NCALD: variants seen among roughly 807,000 people sequenced by gnomAD.
NCALD encodes the protein neurocalcin delta, also known as neurocalcin-delta.
Under a neutral mutation model 18.6 loss-of-function variants are expected in NCALD, and 10 were observed. That is an observed-to-expected ratio of 0.54 (90% CI 0.33 to 0.91). NCALD has a LOEUF of 0.91. Ranked by LOEUF, NCALD falls within the 40% of genes least tolerant of loss-of-function variation. The pLI is 0.03. For synonymous variants in NCALD, 88 were observed against 87.4 expected (o/e 1.01, Z -0.04); for missense variants, 184 against 247.6 (o/e 0.74, Z 1.72).
chr8:102,079,295 C>T (rs1048087228), intron 1 of NCALD, among the ~76,000 whole-genome samples: 1 of 152,204 alleles, frequency 6.6e-6, no homozygotes, highest in Non-Finnish European at 1.5e-5. Flanking sequence ...TGTTTCTTTT[C>T]TAACCCCAAA....
intron 2 of NCALD, among the ~76,000 whole-genome samples, chr8:101,947,803 AG>A (rs1374384236): frequency 2.6e-5 from 4 of 152,264 alleles, no homozygotes; most frequent in Non-Finnish European, 5.9e-5. Context: ...TAATGCCTGA[AG>A]GATGACAAGG....
At chr8:102,061,869 G>C (rs1250909311) in intron 1 of NCALD, among the ~76,000 whole-genome samples, 1 of 152,116 alleles carries the variant, frequency 6.6e-6, no homozygotes, top group Non-Finnish European at 1.5e-5. Context: ...TTTGTATAAA[G>C]CAAAATCAAC....
intron 2 of NCALD, among the ~76,000 whole-genome samples, chr8:101,916,867 C>T (rs896964615): frequency 6.6e-6 from 1 of 152,026 alleles, no homozygotes; most frequent in African/African-American, 2.4e-5. Context: ...ACAAGTACTT[C>T]TAGACCTACA....
rs1213521665 is a variant in NCALD, at chr8:102,052,713, G to A, written c.-209-32424C>T. Among the ~76,000 whole-genome samples the A allele has an allele frequency of 2.0e-5, 3 of 152,136 alleles. No homozygotes were observed. In the East Asian group the frequency reaches 5.8e-4, roughly 29 times the overall value. On this transcript the variant is annotated intron_variant, in intron 1 of 6. Coordinates refer to the NCALD transcript ENST00000311028. Reference sequence around the variant, plus strand: ...AAACTGGCCAACTTTTCCCGTAAAGGCCAGAGAGTAAATATTTTAGGCTTT... The same window carrying A: ...AAACTGGCCAACTTTTCCCGTAAAGACCAGAGAGTAAATATTTTAGGCTTT...
At chr8:102,041,637 G>C (rs1209771117) in intron 1 of NCALD, among the ~76,000 whole-genome samples, 1 of 152,210 alleles carries the variant, frequency 6.6e-6, no homozygotes, top group Non-Finnish European at 1.5e-5. Flanking sequence ...GTTTGATACA[G>C]GGAATGCAGA....
intron 1 of NCALD, among the ~76,000 whole-genome samples, chr8:102,041,276 C>T (rs1003664796): frequency 1.3e-5 from 2 of 152,178 alleles, no homozygotes; most frequent in Admixed American, 6.5e-5. Flanking sequence ...TCAACAACAA[C>T]AAATCATGGA....
At chr8:101,801,606 G>GTTAAAGCCACATCTCTATGAT (rs1812855494) in intron 4 of NCALD, among the ~76,000 whole-genome samples, 1 of 129,954 alleles carries the variant, frequency 7.7e-6, no homozygotes, top group Admixed American at 8.5e-5. Context: ...TTGTCCATGG[G>GTTAAAGCCACATCTCTATGAT]TTAAAGCCAC....
At position 101,688,636 on chromosome 8, in the gene NCALD, A is replaced by G; in HGVS notation, c.*673T>C. 1 of 459,080 alleles carries G rather than the reference A, an allele frequency of 2.2e-6. No homozygotes were observed. Among genetic ancestry groups the G allele is most frequent in the Non-Finnish European group, 4.4e-6 (1 of 228,752 alleles). The allele number at this position is 459,080 out of a possible 1,614,324, so 28.4% of individuals were successfully genotyped here. A position where few individuals can be genotyped will look rare whatever the true frequency, so the allele number is the denominator to read the frequency against. ...GGGTCTGGTTTTGGAATATGTTACCATTTGTGTTTAATTTCCAAAGACACG... is the reference window on the plus strand; with the variant it reads ...GGGTCTGGTTTTGGAATATGTTACCGTTTGTGTTTAATTTCCAAAGACACG... On this transcript the variant is annotated 3_prime_UTR_variant, in exon 4 of 4. Coordinates refer to ENST00000220931, the MANE Select transcript of NCALD (RefSeq NM_032041.3).
At chr8:101,943,684 T>G (rs1165350071) in intron 2 of NCALD, among the ~76,000 whole-genome samples, 1 of 151,728 alleles carries the variant, frequency 6.6e-6, no homozygotes, top group Non-Finnish European at 1.5e-5. Context: ...CTCACGCCTG[T>G]AATCCCAGCA....
At chr8:101,934,500 G>A (rs1818688280) in intron 2 of NCALD, among the ~76,000 whole-genome samples, 1 of 152,062 alleles carries the variant, frequency 6.6e-6, no homozygotes, top group African/African-American at 2.4e-5. Context: ...CAGAAGAAAA[G>A]AGACCCATAA....
chr8:102,003,090 A>C (rs1821541787), intron 2 of NCALD, among the ~76,000 whole-genome samples: 1 of 152,192 alleles, frequency 6.6e-6, no homozygotes, highest in African/African-American at 2.4e-5. Flanking sequence ...TGAATCCAGG[A>C]GCTGGTTTCT....
At chr8:101,782,883 C>T (rs1030496140) in intron 1 of NCALD, among the ~76,000 whole-genome samples, 4 of 152,212 alleles carry the variant, frequency 2.6e-5, no homozygotes, top group African/African-American at 7.2e-5. Flanking sequence ...GTGTGGAAGA[C>T]GTAGCTCTGG....
At chr8:101,840,644 T>TAC in intron 4 of NCALD, among the ~76,000 whole-genome samples, 1 of 152,322 alleles carries the variant, frequency 6.6e-6, no homozygotes, top group Middle Eastern at 3.4e-3. Flanking sequence ...CAGGACAAGC[T>TAC]ACATATTTGC....
intron 2 of NCALD, among the ~76,000 whole-genome samples, chr8:101,948,775 G>A (rs777293327): frequency 2.3e-4 from 35 of 152,274 alleles, no homozygotes; most frequent in Middle Eastern, 3.4e-3. Flanking sequence ...CTGAAGACCC[G>A]GAGCCAGGCT....
chr8:102,106,871 C>T (rs971931700), intron 1 of NCALD, among the ~76,000 whole-genome samples: 2 of 152,056 alleles, frequency 1.3e-5, no homozygotes, highest in Admixed American at 6.6e-5. Context: ...AATCCATAAG[C>T]TTTCTTTCAT....
chr8:102,122,925 G>A (rs1411700145), intron 1 of NCALD, among the ~76,000 whole-genome samples: 3 of 152,204 alleles, frequency 2.0e-5, no homozygotes, highest in Admixed American at 6.5e-5. Context: ...GGCTTGGGTA[G>A]GTAAACATGT....
chr8:102,034,183 A>T (rs921453016), intron 1 of NCALD, among the ~76,000 whole-genome samples: 9 of 152,212 alleles, frequency 5.9e-5, no homozygotes, highest in African/African-American at 2.2e-4. Context: ...GGAGTGTGTC[A>T]CATAAGTTAA....
intron 4 of NCALD, among the ~76,000 whole-genome samples, chr8:101,840,258 T>C (rs1563816553): frequency 6.6e-6 from 1 of 151,738 alleles, no homozygotes. Flanking sequence ...GAAAAGAAAA[T>C]AGTGATAGAA....
intron 1 of NCALD, among the ~76,000 whole-genome samples, chr8:102,051,339 A>C (rs2132222976): frequency 6.6e-6 from 1 of 152,292 alleles, no homozygotes; most frequent in African/African-American, 2.4e-5. Context: ...AGGGAGGATC[A>C]ATGAGCTAAT....
Sources: gnomAD v4.1 joint callset for allele counts (sites outside exome capture counted in the v4.1 genomes callset) on GRCh38, gnomAD v4.1.1 for gene constraint, MANE v1.5 for transcripts, NCBI Gene and HGNC (gene_info 2026-07-23, HGNC 2026-07-21) for gene names.